SGCD: variants seen among roughly 807,000 people sequenced by gnomAD.
SGCD encodes the protein sarcoglycan delta.
In SGCD, 18 loss-of-function variants were observed where a neutral mutation model predicts 36.6. The ratio of observed to expected loss-of-function variants is 0.49; its 90% CI spans 0.34 to 0.73. The LOEUF is 0.73. SGCD is among the 30% of genes least tolerant of loss of function. SGCD has a pLI of 0.01. For missense variants in SGCD, 387 were observed against 346.7 expected, an observed-to-expected ratio of 1.12 and a Z score of -0.92; for synonymous variants, 133 against 130.6, an observed-to-expected ratio of 1.02 and a Z score of -0.12.
intron 3 of SGCD, among the ~76,000 whole-genome samples, chr5:156,367,707 C>T (rs2127736997): frequency 6.6e-6 from 1 of 152,318 alleles, no homozygotes; most frequent in East Asian, 1.9e-4. Context: ...GTGGAATGGT[C>T]CTAACCACAG....
At chr5:156,575,683 A>G (rs1376005368) in intron 4 of SGCD, among the ~76,000 whole-genome samples, 1 of 152,204 alleles carries the variant, frequency 6.6e-6, no homozygotes, top group African/African-American at 2.4e-5. Context: ...CTAAGTCATA[A>G]CTTGTATATA....
At chr5:155,888,965 T>C (rs1461360588) in intron 1 of SGCD, among the ~76,000 whole-genome samples, 2 of 152,240 alleles carry the variant, frequency 1.3e-5, no homozygotes, top group Non-Finnish European at 2.9e-5. Flanking sequence ...CTTGCTGATC[T>C]TCTCAGATGT....
chr5:156,413,614 C>G, intron 3 of SGCD, among the ~76,000 whole-genome samples: 1 of 152,198 alleles, frequency 6.6e-6, no homozygotes, highest in East Asian at 1.9e-4. Context: ...GTATCTGGGA[C>G]TACAGACACA....
At chr5:156,060,783 T>C (rs1448538794) in intron 1 of SGCD, among the ~76,000 whole-genome samples, 1 of 146,208 alleles carries the variant, frequency 6.8e-6, no homozygotes, top group African/African-American at 2.5e-5. Context: ...TAATATACTT[T>C]TTAATATTAA....
At chr5:156,258,622 A>G (rs1002565379) in intron 3 of SGCD, among the ~76,000 whole-genome samples, 10 of 152,296 alleles carry the variant, frequency 6.6e-5, no homozygotes, top group Admixed American at 2.6e-4. Context: ...ATACTTCAAC[A>G]CACAAAAACA....
At chr5:156,033,712 C>G (rs1759417315) in intron 1 of SGCD, among the ~76,000 whole-genome samples, 1 of 152,136 alleles carries the variant, frequency 6.6e-6, no homozygotes, top group Admixed American at 6.5e-5. Flanking sequence ...TGTTTGCGCC[C>G]TCAACCATTC....
chr5:156,450,545 A>AAAAG (rs75000971), intron 3 of SGCD, among the ~76,000 whole-genome samples: 2,991 of 149,504 alleles, frequency 0.02, 102 homozygotes, highest in African/African-American at 0.069. Flanking sequence ...TTAAAAAAAA[A>AAAAG]AAAAGAAAAG....
chr5:156,344,281 A>G (rs1211084655), intron 2 of SGCD, among the ~76,000 whole-genome samples: 1 of 152,208 alleles, frequency 6.6e-6, no homozygotes, highest in Non-Finnish European at 1.5e-5. Context: ...ATCAGAAGTC[A>G]TGGCTGTGTT....
chr5:156,075,083 A>G (rs1019635477), intron 1 of SGCD, among the ~76,000 whole-genome samples: 1 of 152,210 alleles, frequency 6.6e-6, no homozygotes, highest in African/African-American at 2.4e-5. Flanking sequence ...AATGTACGAA[A>G]AGGACATCTC....
At chr5:156,230,101 A>G (rs575740873) in intron 3 of SGCD, among the ~76,000 whole-genome samples, 2 of 151,794 alleles carry the variant, frequency 1.3e-5, no homozygotes, top group South Asian at 4.2e-4. Context: ...ATTTGGCTTC[A>G]CCTTTCTCTG....
intron 1 of SGCD, among the ~76,000 whole-genome samples, chr5:156,049,433 C>A (rs4434366): frequency 6.9e-6 from 1 of 145,092 alleles, no homozygotes; most frequent in African/African-American, 2.5e-5. Flanking sequence ...CCATTTTCAC[C>A]ATATTGATTC....
At chr5:156,205,307 C>G (rs1449826922) in intron 3 of SGCD, among the ~76,000 whole-genome samples, 1 of 151,990 alleles carries the variant, frequency 6.6e-6, no homozygotes, top group Non-Finnish European at 1.5e-5. Flanking sequence ...CAGAAACAAA[C>G]TAATACAGGT....
At chr5:156,652,201 C>T (rs1763488677) in intron 7 of SGCD, among the ~76,000 whole-genome samples, 1 of 151,954 alleles carries the variant, frequency 6.6e-6, no homozygotes, top group Admixed American at 6.6e-5. Flanking sequence ...TATTGTTGGA[C>T]TGGGTGTGGT....
chr5:156,687,816 C>T (rs1753960730), intron 7 of SGCD, among the ~76,000 whole-genome samples: 2 of 152,192 alleles, frequency 1.3e-5, no homozygotes, highest in African/African-American at 4.8e-5. Context: ...AGCTGATCAC[C>T]ATGTTGCTGG....
In SGCD at chr5:156,511,353, A is replaced by G. The variant is rs75070719; in HGVS notation, c.294+2651A>G. 2.0e-4 allele frequency among the ~76,000 whole-genome samples: 31 copies of G among 152,294 alleles called. No homozygotes were observed. The East Asian group carries it at 5.4e-3, about 27-fold the overall frequency. On this transcript the variant is annotated intron_variant, in intron 4 of 8. Coordinates refer to ENST00000337851, the MANE Select transcript of SGCD (RefSeq NM_000337.6). ...CACACACCACACCTTAGGTCAAGCC[A>G]CTGTCTGTTCTCACCTGCACCATTG...
intron 3 of SGCD, among the ~76,000 whole-genome samples, chr5:156,430,439 T>C (rs1296678500): frequency 6.6e-6 from 1 of 152,132 alleles, no homozygotes; most frequent in Non-Finnish European, 1.5e-5. Flanking sequence ...TCCCTTTCTC[T>C]GGTATCTCCT....
chr5:156,543,797 T>G (rs1483844787), intron 4 of SGCD, among the ~76,000 whole-genome samples: 1 of 152,220 alleles, frequency 6.6e-6, no homozygotes, highest in African/African-American at 2.4e-5. Flanking sequence ...GCTCTCCTTT[T>G]AGGATAAAGG....
intron 7 of SGCD, among the ~76,000 whole-genome samples, chr5:156,681,189 G>A (rs574735862): frequency 1.9e-4 from 29 of 152,296 alleles, no homozygotes; most frequent in African/African-American, 6.3e-4. Context: ...CAGGTCACAC[G>A]AACTGTTTGA....
the SGCD span, among the ~76,000 whole-genome samples, chr5:155,861,129 G>T: frequency 6.6e-6 from 1 of 152,058 alleles, no homozygotes; most frequent in African/African-American, 2.4e-5. Flanking sequence ...TTCCTACAAC[G>T]TGCCAAGCCT....
Sources: allele counts gnomAD v4.1 joint callset (sites outside exome capture counted in the v4.1 genomes callset), GRCh38; gene constraint gnomAD v4.1.1; transcripts MANE v1.5; gene names NCBI Gene and HGNC (gene_info 2026-07-23, HGNC 2026-07-21).